Variants in EYS observed in about 807,000 individuals in gnomAD.
EYS encodes the protein EGF-like photoreceptor maintenance factor, also known as protein eyes shut homolog.
In EYS, 250 loss-of-function variants were observed where a neutral mutation model predicts 282.1. The ratio of observed to expected loss-of-function variants is 0.89; its 90% CI spans 0.80 to 0.98. The LOEUF is 0.98. EYS is among the 50% of genes least tolerant of loss of function. The pLI is 0.00. For synonymous variants in EYS, 1,355 were observed against 1,282.9 expected, an observed-to-expected ratio of 1.06 and a Z score of -1.20; for missense variants, 4,016 against 3,709.0, an observed-to-expected ratio of 1.08 and a Z score of -2.15.
intron 1 of EYS, among the ~76,000 whole-genome samples, chr6:65,659,540 A>G (rs1334496668): frequency 6.6e-6 from 1 of 151,732 alleles, no homozygotes; most frequent in African/African-American, 2.4e-5. Context: ...CTACTGGAGT[A>G]TATATACTGT....
intron 5 of EYS, among the ~76,000 whole-genome samples, chr6:65,484,938 G>A (rs757271318): frequency 4.6e-5 from 7 of 152,166 alleles, no homozygotes; most frequent in Non-Finnish European, 1.0e-4. Flanking sequence ...TGCTGCAATA[G>A]CAGAGTTGAA....
At chr6:64,338,499 A>G (rs1770951407) in intron 29 of EYS, among the ~76,000 whole-genome samples, 1 of 152,030 alleles carries the variant, frequency 6.6e-6, no homozygotes, top group Non-Finnish European at 1.5e-5. Context: ...ACAAATGGAA[A>G]TGCATCCTAA....
chr6:64,643,162 C>T (rs1478118141), intron 22 of EYS, among the ~76,000 whole-genome samples: 1 of 150,524 alleles, frequency 6.6e-6, no homozygotes, highest in Non-Finnish European at 1.5e-5. Context: ...CTTTTCAACT[C>T]CTCTTAGTTG....
Position 64,237,603 on chromosome 6 carries a change from A to G in EYS, c.6192-6779T>C, listed in dbSNP as rs183348019. On this transcript the variant is annotated intron_variant, in intron 30 of 42. Coordinates refer to ENST00000503581, the MANE Select transcript of EYS (RefSeq NM_001142800.2). ...GCTAACAGGAATAAATCCAGAAAAT[A>G]ATTCAATTGCTGTTTTAACTTTCAA... 1.7e-3 allele frequency among the ~76,000 whole-genome samples: 260 copies of G among 152,308 alleles called. 1 individual carries two copies. The Middle Eastern group carries it at 0.031, about 18-fold the overall frequency.
At chr6:64,319,251 G>C (rs542255895) in intron 29 of EYS, among the ~76,000 whole-genome samples, 83 of 151,946 alleles carry the variant, frequency 5.5e-4, no homozygotes, top group Middle Eastern at 6.8e-3. Context: ...AACTTCAATA[G>C]TTTCATCTTT....
chr6:64,481,549 TAAAG>T lies in EYS; in HGVS notation c.5645-42201_5645-42198del, dbSNP rs773986734. On this transcript the variant is annotated intron_variant, in intron 26 of 42. Coordinates refer to ENST00000503581, the MANE Select transcript of EYS (RefSeq NM_001142800.2). ...ACACACATACACATATATACATACT[TAAAG>T]AAAACCTCTTTTAGAGATTAATACG... 1.2e-3 allele frequency among the ~76,000 whole-genome samples: 185 copies of T among 151,406 alleles called. 1 individual carries two copies. Among genetic ancestry groups the T allele is most frequent in the Middle Eastern group, 3.4e-3 (1 of 294 alleles).
At chr6:65,215,051 A>C (rs961872121) in intron 12 of EYS, among the ~76,000 whole-genome samples, 1 of 151,822 alleles carries the variant, frequency 6.6e-6, no homozygotes, top group African/African-American at 2.4e-5. Flanking sequence ...AGGTGAAAGG[A>C]GATTAATATT....
intron 29 of EYS, among the ~76,000 whole-genome samples, chr6:64,333,042 A>AGGTG (rs1770702669): frequency 6.6e-6 from 1 of 152,118 alleles, no homozygotes; most frequent in African/African-American, 2.4e-5. Flanking sequence ...GGTCCAGAAA[A>AGGTG]GGTGTGACTA....
At chr6:65,403,718 A>G (rs2150364544) in intron 6 of EYS, among the ~76,000 whole-genome samples, 1 of 152,088 alleles carries the variant, frequency 6.6e-6, no homozygotes, top group African/African-American at 2.4e-5. Context: ...AATATAAATA[A>G]TGAATAATAG....
chr6:64,200,648 G>C (rs1374323121), intron 31 of EYS, among the ~76,000 whole-genome samples: 1 of 152,092 alleles, frequency 6.6e-6, no homozygotes, highest in Non-Finnish European at 1.5e-5. Flanking sequence ...TTTTGATGTG[G>C]AACAGGAGAG....
intron 35 of EYS, among the ~76,000 whole-genome samples, chr6:63,955,842 C>T (rs1765793970): frequency 1.3e-5 from 2 of 152,148 alleles, no homozygotes; most frequent in African/African-American, 2.4e-5. Context: ...CCTTTAATAC[C>T]TGTTTTTCTC....
At chr6:64,484,559 CAT>C (rs1237226766) in intron 26 of EYS, among the ~76,000 whole-genome samples, 6 of 151,558 alleles carry the variant, frequency 4.0e-5, no homozygotes, top group Admixed American at 1.3e-4. Context: ...CTGAGGCTAA[CAT>C]ATGATATAGG....
intron 1 of EYS, among the ~76,000 whole-genome samples, chr6:65,701,329 A>G (rs1357726389): frequency 6.6e-6 from 1 of 152,206 alleles, no homozygotes; most frequent in African/African-American, 2.4e-5. Flanking sequence ...GTATTCAAAC[A>G]CTAAGAAGAA....
intron 22 of EYS, among the ~76,000 whole-genome samples, chr6:64,771,639 A>T (rs1398377957): frequency 6.6e-6 from 1 of 151,634 alleles, no homozygotes; most frequent in Non-Finnish European, 1.5e-5. Context: ...TTTCACTTTC[A>T]TCTTAGGAAT....
intron 26 of EYS, among the ~76,000 whole-genome samples, chr6:64,489,089 A>T (rs1464849613): frequency 6.6e-6 from 1 of 150,936 alleles, no homozygotes; most frequent in Non-Finnish European, 1.5e-5. Flanking sequence ...AGACAAAAGA[A>T]CTATGAAGAA....
chr6:64,888,090 AT>A (rs979051733), intron 18 of EYS, among the ~76,000 whole-genome samples: 8 of 151,974 alleles, frequency 5.3e-5, no homozygotes, highest in Non-Finnish European at 1.0e-4. Flanking sequence ...TATACTACAT[AT>A]TTTTTATTCA....
chr6:64,097,554 A>C (rs112893640), intron 31 of EYS, among the ~76,000 whole-genome samples: 1 of 152,108 alleles, frequency 6.6e-6, no homozygotes, highest in Admixed American at 6.5e-5. Flanking sequence ...CTGCAAGCCA[A>C]GCATGGGATA....
At chr6:64,010,397 G>A (rs1470519358) in intron 33 of EYS, among the ~76,000 whole-genome samples, 1 of 151,288 alleles carries the variant, frequency 6.6e-6, no homozygotes. Context: ...TTTGGTTGGG[G>A]GGGGGGGTGG....
chr6:64,327,294 G>A (rs1026111266), intron 29 of EYS, among the ~76,000 whole-genome samples: 1 of 152,086 alleles, frequency 6.6e-6, no homozygotes, highest in Non-Finnish European at 1.5e-5. Context: ...CCAGTCTGGT[G>A]GATCCAAGAG....
Sources: gnomAD v4.1 joint callset for allele counts (sites outside exome capture counted in the v4.1 genomes callset) on GRCh38, gnomAD v4.1.1 for gene constraint, MANE v1.5 for transcripts, NCBI Gene and HGNC (gene_info 2026-07-23, HGNC 2026-07-21) for gene names.